Variants in TTC9 observed in about 807,000 individuals in gnomAD.
TTC9 encodes tetratricopeptide repeat domain 9, also known as tetratricopeptide repeat protein 9A.
TTC9 carries 13 observed loss-of-function variants against 22.9 expected under a neutral mutation model. The ratio of observed to expected loss-of-function variants is 0.57; its 90% CI spans 0.37 to 0.90. The LOEUF (loss-of-function observed/expected upper bound fraction) is 0.90. Ranked by LOEUF, TTC9 falls within the 40% of genes least tolerant of loss-of-function variation. TTC9 has a pLI of 0.01. For missense variants in TTC9, 280 were observed against 291.8 expected (o/e 0.96, Z 0.29); for synonymous variants, 148 against 133.2 (o/e 1.11, Z -0.77).
At chr14:70,655,881 A>T (rs12889553) in intron 1 of TTC9, among the ~76,000 whole-genome samples, 2 of 151,998 alleles carry the variant, frequency 1.3e-5, no homozygotes, top group African/African-American at 4.8e-5. Context: ...CAGGAATTTC[A>T]AATGGACCAC....
rs2139654167 is a variant in TTC9 at position 70,673,409 on chromosome 14, A to G, written c.*2254A>G. On this transcript the variant is annotated 3_prime_UTR_variant, in exon 3 of 3. Coordinates refer to ENST00000256367, the MANE Select transcript of TTC9 (RefSeq NM_015351.2). Reference sequence around the variant, plus strand: ...GCCTGCCATTACTCACCTAGAGCTCACTCTCTGGAGAAGAGGAAAAGGAAG... The same window carrying G: ...GCCTGCCATTACTCACCTAGAGCTCGCTCTCTGGAGAAGAGGAAAAGGAAG... 1 of 152,050 alleles carries G rather than the reference A, an allele frequency of 6.6e-6. No individual in the cohort carries two copies. Among genetic ancestry groups the G allele is most frequent in the East Asian group, 1.9e-4 (1 of 5,162 alleles). 9.4% of individuals were successfully genotyped at this position (152,050 alleles called of 1,614,324 possible). A position where few individuals can be genotyped will look rare whatever the true frequency, so the allele number is the denominator to read the frequency against.
At chr14:70,657,063 G>C (rs1886076938) in intron 1 of TTC9, among the ~76,000 whole-genome samples, 1 of 152,170 alleles carries the variant, frequency 6.6e-6, no homozygotes, top group Non-Finnish European at 1.5e-5. Flanking sequence ...ATTCCTATAT[G>C]CTTTAAAGGA....
Position 70,674,757 on chromosome 14 carries a change from C to T in TTC9, c.*3602C>T, listed in dbSNP as rs908716309. ...CACTTAATAATATCACGAACATTTT[C>T]GGCATATCAAACTTTCTCAACAGCA... is the stretch of plus-strand genomic sequence containing the variant. On this transcript the variant is annotated 3_prime_UTR_variant, in exon 3 of 3. Coordinates refer to ENST00000256367, the MANE Select transcript of TTC9 (RefSeq NM_015351.2). 3.9e-5 allele frequency: 6 copies of T among 152,126 alleles called. No homozygotes were observed. In the East Asian group the frequency reaches 1.2e-3, roughly 29 times the overall value. 9.4% of individuals were successfully genotyped at this position (152,126 alleles called of 1,614,324 possible). A position where few individuals can be genotyped will look rare whatever the true frequency, so the allele number is the denominator to read the frequency against.
intron 1 of TTC9, among the ~76,000 whole-genome samples, chr14:70,656,210 TACACACACACAC>T (rs34334641): frequency 2.2e-4 from 33 of 148,024 alleles, no homozygotes; most frequent in Admixed American, 4.0e-4. Context: ...TTCACCCTGA[TACACACACACAC>T]ACACACACAC....
rs1177878925 is a variant in TTC9, at chr14:70,674,571, ATCT to A, written c.*3420_*3422del. The A allele has an allele frequency of 6.6e-6, 1 of 152,206 alleles. No homozygotes were observed. Among genetic ancestry groups the A allele is most frequent in the Non-Finnish European group, 1.5e-5 (1 of 68,046 alleles). The allele number at this position is 152,206 out of a possible 1,614,324, so 9.4% of individuals were successfully genotyped here. A position where few individuals can be genotyped will look rare whatever the true frequency, so the allele number is the denominator to read the frequency against. ...CAAACTGCTCTGTAGTCAGAAGTAA[ATCT>A]TCTCCCTACCCCGTCTGCCAGCATC... On this transcript the variant is annotated 3_prime_UTR_variant, in exon 3 of 3. Transcript: ENST00000256367.
In TTC9 at chr14:70,642,555, C is replaced by T. The variant is rs746680407; in HGVS notation, c.406+20C>T. The T allele has an allele frequency of 5.2e-6, 8 of 1,527,808 alleles. No individual in the cohort carries two copies. The East Asian group carries it at 1.5e-4, about 29-fold the overall frequency. 94.6% of individuals were successfully genotyped at this position (1,527,808 alleles called of 1,614,324 possible). On this transcript the variant is annotated intron_variant, in intron 1 of 2. Transcript: ENST00000256367. Reference sequence around the variant, plus strand: ...TGGCAGGTGAGCCGCGCCGCGCCCCCCGCGCCGCGGTCCCCGTTCTTCGGC... The same window carrying T: ...TGGCAGGTGAGCCGCGCCGCGCCCCTCGCGCCGCGGTCCCCGTTCTTCGGC...
At chr14:70,650,905 A>T (rs1478004997) in intron 1 of TTC9, among the ~76,000 whole-genome samples, 1 of 152,256 alleles carries the variant, frequency 6.6e-6, no homozygotes, top group Non-Finnish European at 1.5e-5. Context: ...GTCTCAAGTC[A>T]TACCAGAGAA....
chr14:70,655,387 G>C (rs188130480), intron 1 of TTC9, among the ~76,000 whole-genome samples: 7 of 150,528 alleles, frequency 4.7e-5, no homozygotes, highest in African/African-American at 1.7e-4. Flanking sequence ...GCGACAGAGC[G>C]AGACTCCATC....
At chr14:70,655,254 C>A (rs1033200698) in intron 1 of TTC9, among the ~76,000 whole-genome samples, 1 of 152,100 alleles carries the variant, frequency 6.6e-6, no homozygotes, top group South Asian at 2.1e-4. Flanking sequence ...ATTAGCCAGG[C>A]GCAGTGGCGT....
chr14:70,642,619 C>A, intron 1 of TTC9, 84 bp downstream of exon 1: 2 of 1,299,806 alleles, frequency 1.5e-6, no homozygotes, highest in Non-Finnish European at 2.1e-6. Context: ...TCCCGCGGTG[C>A]AGATTCTCCT....
chr14:70,642,559 G>GCCGCGCCCCCCGCGCCGCGCCCCCCGCC, intron 1 of TTC9, 24 bp downstream of exon 1: 3 of 1,522,312 alleles, frequency 2.0e-6, no homozygotes, highest in Non-Finnish European at 2.6e-6. Context: ...CGCCCCCCGC[G>GCCGCGCCCCCCGCGCCGCGCCCCCCGCC]CCGCGGTCCC....
chr14:70,651,380 A>G (rs1244792048), intron 1 of TTC9, among the ~76,000 whole-genome samples: 3 of 143,584 alleles, frequency 2.1e-5, no homozygotes, highest in Admixed American at 6.7e-5. Flanking sequence ...TTATCTGTGT[A>G]GAGAAATTAT....
Position 70,671,104 on chromosome 14 carries a change from G to A in TTC9, c.618G>A (p.Leu206=). The change falls in exon 3 of 3, where the codon CTG becomes CTA. Residue 206 remains leucine (L), a synonymous_variant. Coordinates refer to ENST00000256367, the MANE Select transcript of TTC9 (RefSeq NM_015351.2). ...TDTNVIRYIQ[L]TEMKLSRCSQ... is the part of the protein sequence containing the mutation. ...CCAACGTGATTCGGTATATCCAGCTGACGGAGATGAAACTCAGCCGATGCT... is the reference window on the plus strand; with the variant it reads ...CCAACGTGATTCGGTATATCCAGCTAACGGAGATGAAACTCAGCCGATGCT... The A allele has an allele frequency of 6.2e-7, 1 of 1,613,708 alleles. No individual in the cohort carries two copies.
At chr14:70,662,323 G>T (rs567828673) in intron 1 of TTC9, among the ~76,000 whole-genome samples, 1 of 151,804 alleles carries the variant, frequency 6.6e-6, no homozygotes, top group African/African-American at 2.4e-5. Context: ...GATGACTAAT[G>T]GTGGAGATGT....
chr14:70,656,345 A>G (rs1242049020), intron 1 of TTC9, among the ~76,000 whole-genome samples: 1 of 152,098 alleles, frequency 6.6e-6, no homozygotes, highest in Non-Finnish European at 1.5e-5. Flanking sequence ...TCACCGTTCC[A>G]CAGCATGATT....
At chr14:70,650,784 T>G (rs1566696184) in intron 1 of TTC9, among the ~76,000 whole-genome samples, 3 of 152,158 alleles carry the variant, frequency 2.0e-5, no homozygotes, top group Non-Finnish European at 4.4e-5. Flanking sequence ...AAAACCTATA[T>G]TACTTGAAAA....
At position 70,668,156 on chromosome 14, in the gene TTC9, T is replaced by G. The variant is rs188872344; in HGVS notation, c.589+410T>G. 1.1e-4 allele frequency among the ~76,000 whole-genome samples: 16 copies of G among 152,216 alleles called. No individual in the cohort carries two copies. The East Asian group carries it at 1.7e-3, about 17-fold the overall frequency. Reference sequence around the variant, plus strand: ...ATGACACAGAATACAAACAGGCAAATTTGATGCTAAGCCCAGCACCTTTCA... The same window carrying G: ...ATGACACAGAATACAAACAGGCAAAGTTGATGCTAAGCCCAGCACCTTTCA... On this transcript the variant is annotated intron_variant, in intron 2 of 2. Coordinates refer to ENST00000256367, the MANE Select transcript of TTC9 (RefSeq NM_015351.2).
Position 70,675,280 on chromosome 14 carries a change from G to C in TTC9, c.*4125G>C, listed in dbSNP as rs1388694701. 1 of 152,130 alleles carries C rather than the reference G, an allele frequency of 6.6e-6. No individual in the cohort carries two copies. Among genetic ancestry groups the C allele is most frequent in the Non-Finnish European group, 1.5e-5 (1 of 68,040 alleles). The allele number at this position is 152,130 out of a possible 1,614,324, so 9.4% of individuals were successfully genotyped here. On this transcript the variant is annotated 3_prime_UTR_variant, in exon 3 of 3. Coordinates refer to ENST00000256367, the MANE Select transcript of TTC9 (RefSeq NM_015351.2). Reference sequence around the variant, plus strand: ...AAGAATATTATTTTTGTCAAGAAATGCTGCAAATATGCTTTCCAAGTGCTT... The same window carrying C: ...AAGAATATTATTTTTGTCAAGAAATCCTGCAAATATGCTTTCCAAGTGCTT...
At position 70,642,204 on chromosome 14, in the gene TTC9, A is replaced by C. The variant is rs1163586729; in HGVS notation, c.75A>C (p.Pro25=). ...CCGCGGCCGGAGAGGGGCAGCGGCCACCGCCGCCGCTGTGCGTCCCGGGCG... is the reference window on the plus strand; with the variant it reads ...CCGCGGCCGGAGAGGGGCAGCGGCCCCCGCCGCCGCTGTGCGTCCCGGGCG... ...SPPAAGEGQR[P]PPPLCVPGGG... is the part of the protein sequence containing the mutation. Residue 25 remains proline (P), a synonymous_variant, in exon 1 of 3, where the codon CCA becomes CCC. Transcript: ENST00000256367. 11 of 1,249,590 alleles carry C rather than the reference A, an allele frequency of 8.8e-6. No individual in the cohort carries two copies. The highest frequency in any genetic ancestry group is 1.0e-5 in the Non-Finnish European group (10 of 994,292). The allele number at this position is 1,249,590 out of a possible 1,614,324, so 77.4% of individuals were successfully genotyped here.
Sources: allele counts gnomAD v4.1 joint callset (sites outside exome capture counted in the v4.1 genomes callset), GRCh38; gene constraint gnomAD v4.1.1; transcripts MANE v1.5; gene names NCBI Gene and HGNC (gene_info 2026-07-23, HGNC 2026-07-21).